Variants in MACROD2 observed in about 807,000 individuals in gnomAD.
The protein encoded by MACROD2 is mono-ADP ribosylhydrolase 2.
Under a neutral mutation model 70.4 loss-of-function variants are expected in MACROD2, and 36 were observed. That is an observed-to-expected ratio of 0.51 (90% CI 0.39 to 0.68). The LOEUF (loss-of-function observed/expected upper bound fraction) is 0.68, where lower values mean the gene tolerates loss of function less well. Ranked by LOEUF, MACROD2 falls within the 30% of genes least tolerant of loss-of-function variation. MACROD2 has a pLI of 0.00. For missense variants in MACROD2, 496 were observed against 538.4 expected (o/e 0.92, Z 0.78); for synonymous variants, 172 against 178.8 (o/e 0.96, Z 0.30).
intron 8 of MACROD2, among the ~76,000 whole-genome samples, chr20:15,829,146 G>A (rs539722429): frequency 1.3e-4 from 20 of 152,000 alleles, no homozygotes; most frequent in African/African-American, 4.1e-4. Context: ...GTGTCAGAGT[G>A]GATATATATT....
At chr20:14,989,105 G>A (rs1023144260) in intron 5 of MACROD2, among the ~76,000 whole-genome samples, 1 of 152,044 alleles carries the variant, frequency 6.6e-6, no homozygotes, top group Admixed American at 6.5e-5. Context: ...TTTTTAAAAA[G>A]TATGTTACCA....
chr20:14,845,719 C>T (rs1287184787), intron 5 of MACROD2, among the ~76,000 whole-genome samples: 2 of 151,916 alleles, frequency 1.3e-5, no homozygotes, highest in East Asian at 3.9e-4. Flanking sequence ...TACAGCATTG[C>T]TTCAACCAAG....
chr20:15,787,476 G>A (rs2051948974), intron 8 of MACROD2, among the ~76,000 whole-genome samples: 1 of 151,950 alleles, frequency 6.6e-6, no homozygotes. Context: ...CCATCCCCCA[G>A]TAGGAGTCCC....
chr20:15,783,946 C>A (rs556488604), intron 8 of MACROD2, among the ~76,000 whole-genome samples: 2 of 152,238 alleles, frequency 1.3e-5, no homozygotes, highest in Admixed American at 6.5e-5. Context: ...GAAAGGGATG[C>A]GAGCTGGCTA....
chr20:14,350,440 A>C (rs1406381094), intron 3 of MACROD2, among the ~76,000 whole-genome samples: 2 of 151,900 alleles, frequency 1.3e-5, no homozygotes, highest in Admixed American at 1.3e-4. Context: ...AAATGGGGTG[A>C]GTTGATATTT....
intron 5 of MACROD2, among the ~76,000 whole-genome samples, chr20:14,766,730 C>T (rs1428424984): frequency 1.3e-5 from 2 of 152,072 alleles, no homozygotes; most frequent in East Asian, 3.9e-4. Context: ...ATTAGTTTGT[C>T]ATCTCAAGGA....
At chr20:15,507,444 C>G (rs968240449) in intron 8 of MACROD2, among the ~76,000 whole-genome samples, 1 of 148,138 alleles carries the variant, frequency 6.8e-6, no homozygotes, top group Non-Finnish European at 1.5e-5. Flanking sequence ...TCCTTCCTTT[C>G]TTTTTCTTTT....
At chr20:15,483,035 ATGT>A (rs2047119384) in intron 7 of MACROD2, among the ~76,000 whole-genome samples, 1 of 151,960 alleles carries the variant, frequency 6.6e-6, no homozygotes, top group African/African-American at 2.4e-5. Flanking sequence ...CATTCTATTG[ATGT>A]TGTCTTTCAC....
chr20:15,333,338 T>C (rs924539358), intron 6 of MACROD2, among the ~76,000 whole-genome samples: 2 of 151,692 alleles, frequency 1.3e-5, no homozygotes, highest in African/African-American at 4.9e-5. Context: ...GCTGCCTCTT[T>C]CAGCTAAAGA....
At chr20:14,684,088 C>G (rs1301911189) in intron 4 of MACROD2, among the ~76,000 whole-genome samples, 3 of 152,142 alleles carry the variant, frequency 2.0e-5, no homozygotes, top group Non-Finnish European at 2.9e-5. Flanking sequence ...CTGATGAGAC[C>G]TGAGGCTGGT....
At chr20:15,845,180 G>T (rs1170710221) in intron 8 of MACROD2, among the ~76,000 whole-genome samples, 3 of 152,108 alleles carry the variant, frequency 2.0e-5, no homozygotes, top group Non-Finnish European at 4.4e-5. Context: ...AATTAGTAAA[G>T]TTGAGGTCAC....
At chr20:14,654,264 T>A (rs1473237123) in intron 4 of MACROD2, among the ~76,000 whole-genome samples, 1 of 151,960 alleles carries the variant, frequency 6.6e-6, no homozygotes. Context: ...AATCATTCTT[T>A]GGCTAGTCTC....
intron 5 of MACROD2, among the ~76,000 whole-genome samples, chr20:14,712,306 G>A (rs771798105): frequency 1.6e-4 from 25 of 152,058 alleles, no homozygotes; most frequent in Admixed American, 3.3e-4. Context: ...ATAAATTAAG[G>A]CAGAAAGCAG....
At chr20:14,089,174 T>C (rs1354312967) in intron 3 of MACROD2, among the ~76,000 whole-genome samples, 1 of 152,202 alleles carries the variant, frequency 6.6e-6, no homozygotes, top group Non-Finnish European at 1.5e-5. Flanking sequence ...AATTTGGCCA[T>C]GTTTTGCATC....
chr20:15,931,682 C>T (rs758622537), intron 10 of MACROD2, among the ~76,000 whole-genome samples: 20 of 152,078 alleles, frequency 1.3e-4, no homozygotes, highest in Non-Finnish European at 2.6e-4. Context: ...TGTCCACCGT[C>T]ACAAACGGCA....
intron 3 of MACROD2, among the ~76,000 whole-genome samples, chr20:14,423,232 T>C (rs931761519): frequency 7.2e-5 from 11 of 152,202 alleles, no homozygotes; most frequent in African/African-American, 2.7e-4. Context: ...CAAAATTTTC[T>C]ATTATTTCGA....
rs76084908 is a variant in MACROD2 at position 15,921,659 on chromosome 20, C to T, written c.776-11617C>T. ...TACAACCTACATTTCCCTTCGTTAG[C>T]ACGTATCATGACTGAGGATACTATA... On this transcript the variant is annotated intron_variant, in intron 10 of 17. Transcript: ENST00000684519. 5.4e-3 allele frequency among the ~76,000 whole-genome samples: 827 copies of T among 152,320 alleles called. 1 individual carries two copies. The highest frequency in any genetic ancestry group is 0.01 in the Middle Eastern group (3 of 294).
At chr20:14,539,836 T>C (rs1415169863) in intron 4 of MACROD2, among the ~76,000 whole-genome samples, 1 of 152,228 alleles carries the variant, frequency 6.6e-6, no homozygotes. Context: ...CTGATAAAGA[T>C]GTGAATCATA....
rs576781647 is a variant in MACROD2, at chr20:14,728,506, TA to T, written c.418+43550del. ...TTTAAAGTCTGTTTTGTCTTCTGGC[TA>T]AAGCCAGATTCCATTTAAAAACCTT... On this transcript the variant is annotated intron_variant, in intron 5 of 17. Coordinates refer to ENST00000684519, the MANE Select transcript of MACROD2 (RefSeq NM_001351661.2). 7.7e-4 allele frequency among the ~76,000 whole-genome samples: 118 copies of T among 152,346 alleles called. 1 individual carries two copies. The highest frequency in any genetic ancestry group is 1.4e-3 in the Non-Finnish European group (95 of 68,008).
Sources: allele counts gnomAD v4.1 joint callset (sites outside exome capture counted in the v4.1 genomes callset), GRCh38; gene constraint gnomAD v4.1.1; transcripts MANE v1.5; gene names NCBI Gene and HGNC (gene_info 2026-07-23, HGNC 2026-07-21).